The following WDR36 variants were observed in gnomAD, a reference collection of about 807,000 sequenced individuals.
WDR36 encodes WD repeat domain 36.
In WDR36, 63 loss-of-function variants were observed where a neutral mutation model predicts 112.7. The observed-to-expected ratio is 0.56, with a 90% confidence interval of 0.46 to 0.69. The LOEUF is 0.69. WDR36 is among the 30% of genes least tolerant of loss of function. The probability of loss-of-function intolerance (pLI) is 0.00; values close to 1 mark genes in which losing one functional copy is unlikely to be tolerated. For synonymous variants in WDR36, 410 were observed against 362.2 expected (o/e 1.13, Z -1.50); for missense variants, 1,226 against 1,070.3 (o/e 1.15, Z -2.03).
chr5:111,092,618 C>T lies in WDR36; in HGVS notation c.162C>T (p.Asp54=), dbSNP rs747687104. The change falls in exon 1 of 23, where the codon GAC becomes GAT. Residue 54 remains aspartate (D), a splice_region_variant and synonymous_variant. Coordinates refer to ENST00000513710, the MANE Select transcript of WDR36 (RefSeq NM_139281.3). The part of the protein sequence containing the change: ...TCVGKSFHTY[D]VQKLSLVAVS... ...TGGGCAAGAGTTTCCACACCTATGA[C>T]GTGAGTGACTTCTTTTGTTAGCTTC... The T allele has an allele frequency of 2.5e-6, 4 of 1,612,542 alleles. No individual in the cohort carries two copies. Among genetic ancestry groups the T allele is most frequent in the Non-Finnish European group, 2.5e-6 (3 of 1,179,868 alleles).
chr5:111,098,904 C>A, intron 4 of WDR36, 65 bp downstream of exon 4: 1 of 1,148,504 alleles, frequency 8.7e-7, no homozygotes, highest in Non-Finnish European at 1.3e-6. Context: ...AATTTAAAAT[C>A]TATGTAAACA....
chr5:111,112,148 TGCTGAAATG>T (rs748143441), intron 15 of WDR36, among the ~76,000 whole-genome samples: 103 of 152,108 alleles, frequency 6.8e-4, no homozygotes, highest in South Asian at 1.7e-3. Context: ...GGGTTAATTG[TGCTGAAATG>T]GCACTTTTGA....
At chr5:111,107,141 ATC>A in intron 11 of WDR36, among the ~76,000 whole-genome samples, 151 bp from the exon 12 acceptor site, 1 of 151,678 alleles carries the variant, frequency 6.6e-6, no homozygotes, top group South Asian at 2.1e-4. Flanking sequence ...TTAAAAAATA[ATC>A]TCTTGTTAGA....
At chr5:111,122,794 A>T (rs1753593834) in intron 19 of WDR36, among the ~76,000 whole-genome samples, 1 of 152,112 alleles carries the variant, frequency 6.6e-6, no homozygotes, top group Non-Finnish European at 1.5e-5. Context: ...TTTATTAGGC[A>T]CTTTACCATA....
At chr5:111,098,680 CTGAGTAATAATA>C (rs777900104) in intron 3 of WDR36, 30 bp from the exon 4 acceptor site, 1 of 1,222,910 alleles carries the variant, frequency 8.2e-7, no homozygotes, top group South Asian at 1.2e-5. Context: ...GACATGATGA[CTGAGTAATAATA>C]TGAAATTCTT....
At chr5:111,115,811 A>G (rs910649719) in intron 16 of WDR36, among the ~76,000 whole-genome samples, 4 of 152,134 alleles carry the variant, frequency 2.6e-5, no homozygotes, top group Non-Finnish European at 4.4e-5. Context: ...GTGGTGAAAC[A>G]TTTTTTATGT....
Position 111,119,193 on chromosome 5 carries a change from T to C in WDR36, c.1904+73T>C, listed in dbSNP as rs373912346. Reference sequence around the variant, plus strand: ...GTCAGAGAGTTAGAGTTGCTAAAATTGTCATTTAGGCTGTTTTTAAGTGTA... The same window carrying C: ...GTCAGAGAGTTAGAGTTGCTAAAATCGTCATTTAGGCTGTTTTTAAGTGTA... On this transcript the variant is annotated intron_variant, in intron 17 of 22. Transcript: ENST00000513710. The C allele has an allele frequency of 1.8e-5, 22 of 1,215,700 alleles. 1 individual carries two copies. Among genetic ancestry groups the C allele is most frequent in the East Asian group, 7.0e-5 (3 of 42,750 alleles). The allele number at this position is 1,215,700 out of a possible 1,614,324, so 75.3% of individuals were successfully genotyped here. A position where few individuals can be genotyped will look rare whatever the true frequency, so the allele number is the denominator to read the frequency against.
chr5:111,097,305 T>G (rs1753014055), intron 3 of WDR36, 126 bp downstream of exon 3: 1 of 722,648 alleles, frequency 1.4e-6, no homozygotes, highest in Non-Finnish European at 2.4e-6. Context: ...TTTTTTCTAA[T>G]GTATATTCAG....
chr5:111,095,833 A>G (rs796611214), intron 2 of WDR36, among the ~76,000 whole-genome samples: 6 of 152,208 alleles, frequency 3.9e-5, no homozygotes, highest in African/African-American at 1.4e-4. Flanking sequence ...ACATTTTGGT[A>G]TTTCTTTCCA....
intron 11 of WDR36, among the ~76,000 whole-genome samples, chr5:111,106,889 A>G (rs781628570): frequency 1.3e-5 from 2 of 151,152 alleles, no homozygotes; most frequent in Non-Finnish European, 3.0e-5. Context: ...TTTCTTGTGC[A>G]TGTTATCCCC....
At chr5:111,126,363 C>T (rs1284440854) in intron 22 of WDR36, among the ~76,000 whole-genome samples, 1 of 151,850 alleles carries the variant, frequency 6.6e-6, no homozygotes, top group African/African-American at 2.4e-5. Flanking sequence ...TGAGGGTCTA[C>T]TTTAGTGGTA....
At chr5:111,116,923 A>G (rs998760423) in intron 16 of WDR36, among the ~76,000 whole-genome samples, 8 of 152,340 alleles carry the variant, frequency 5.3e-5, no homozygotes, top group Non-Finnish European at 7.3e-5. Flanking sequence ...ACGTATGTAA[A>G]CTTTTGATGA....
intron 16 of WDR36, among the ~76,000 whole-genome samples, chr5:111,117,462 A>T (rs1753476810): frequency 6.6e-6 from 1 of 152,142 alleles, no homozygotes; most frequent in African/African-American, 2.4e-5. Flanking sequence ...GCATACCCTC[A>T]GTGTGTGTAA....
chr5:111,110,686 G>T, intron 13 of WDR36, 102 bp from the exon 14 acceptor site: 1 of 1,271,168 alleles, frequency 7.9e-7, no homozygotes, highest in Non-Finnish European at 1.1e-6. Flanking sequence ...GGATATTTAA[G>T]TGGCACCTTA....
chr5:111,099,463 GTT>G (rs67437234), intron 4 of WDR36, among the ~76,000 whole-genome samples: 303 of 84,852 alleles, frequency 3.6e-3, no homozygotes, highest in African/African-American at 0.012. Flanking sequence ...TTTTTTTTTT[GTT>G]TTTTTTTTTT....
At chr5:111,121,870 G>A (rs561813549) in intron 19 of WDR36, among the ~76,000 whole-genome samples, 29 of 152,272 alleles carry the variant, frequency 1.9e-4, no homozygotes, top group Admixed American at 1.6e-3. Flanking sequence ...ATTGTTTGGT[G>A]AAACTTGAGT....
chr5:111,106,941 C>T (rs1350936845), intron 11 of WDR36, among the ~76,000 whole-genome samples: 10 of 151,316 alleles, frequency 6.6e-5, no homozygotes, highest in African/African-American at 2.4e-4. Context: ...ATCCAGAGAG[C>T]CATTTACTTT....
chr5:111,098,240 T>C (rs571006844), intron 3 of WDR36, among the ~76,000 whole-genome samples: 4 of 152,148 alleles, frequency 2.6e-5, no homozygotes, highest in Admixed American at 6.5e-5. Flanking sequence ...GCTATACTTA[T>C]GGAGGGATCA....
Position 111,111,291 on chromosome 5 carries a change from C to CT in WDR36, c.1716+14dup. 3 of 1,598,608 alleles carry CT rather than the reference C, an allele frequency of 1.9e-6. No individual in the cohort carries two copies. Among genetic ancestry groups the CT allele is most frequent in the Non-Finnish European group, 2.6e-6 (3 of 1,166,456 alleles). On this transcript the variant is annotated intron_variant, in intron 15 of 22. Coordinates refer to ENST00000513710, the MANE Select transcript of WDR36 (RefSeq NM_139281.3). ...AATAAATGACATGGTAAAACAAACT[C>CT]TAACTAATAAAACTTGACTCATTTC...
Sources: gnomAD v4.1 joint callset for allele counts (sites outside exome capture counted in the v4.1 genomes callset) on GRCh38, gnomAD v4.1.1 for gene constraint, MANE v1.5 for transcripts, NCBI Gene and HGNC (gene_info 2026-07-23, HGNC 2026-07-21) for gene names.